The following SORCS3 variants were observed in gnomAD, a reference collection of about 807,000 sequenced individuals.
The protein encoded by SORCS3 is VPS10 domain-containing receptor SorCS3.
Under a neutral mutation model 146.3 loss-of-function variants are expected in SORCS3, and 57 were observed. That is an observed-to-expected ratio of 0.39 (90% CI 0.31 to 0.49). SORCS3 has a LOEUF of 0.49. Among genes scored for constraint, SORCS3 ranks in the 20% least tolerant of loss-of-function variants. The pLI, the probability that SORCS3 is intolerant of heterozygous loss-of-function variation, is 0.92. For missense variants in SORCS3, 1,341 were observed against 1,575.5 expected (o/e 0.85, Z 2.52); for synonymous variants, 653 against 618.5 (o/e 1.06, Z -0.83).
intron 7 of SORCS3, among the ~76,000 whole-genome samples, chr10:105,119,715 A>G (rs925828886): frequency 2.6e-5 from 4 of 152,142 alleles, no homozygotes; most frequent in Admixed American, 6.5e-5. Context: ...TGGATTTCGG[A>G]CTTGCATGGG....
At chr10:105,242,860 T>C (rs1328587046) in intron 20 of SORCS3, among the ~76,000 whole-genome samples, 2 of 105,598 alleles carry the variant, frequency 1.9e-5, no homozygotes, top group African/African-American at 7.8e-5. Flanking sequence ...ATAAATTATA[T>C]ATATATTTTT....
chr10:105,252,786 C>T lies in SORCS3; in HGVS notation c.3117C>T (p.Val1039=). ...IKRALVKVTS[V]PEDQILIAVF... ...GAACATCTTTGCAGGTAACCAGTGTCCCAGAGGACCAGATCCTCATTGCCG... is the reference window on the plus strand; with the variant it reads ...GAACATCTTTGCAGGTAACCAGTGTTCCAGAGGACCAGATCCTCATTGCCG... The change falls in exon 23 of 27, where the codon GTC becomes GTT. Residue 1039 remains valine, a synonymous_variant. Transcript: ENST00000369701. 1 of 1,613,950 alleles carries T rather than the reference C, an allele frequency of 6.2e-7. No individual in the cohort carries two copies. Among genetic ancestry groups the T allele is most frequent in the East Asian group, 2.2e-5 (1 of 44,874 alleles).
chr10:104,821,729 C>G (rs1163390148), intron 1 of SORCS3, among the ~76,000 whole-genome samples: 2 of 152,212 alleles, frequency 1.3e-5, no homozygotes, highest in African/African-American at 4.8e-5. Context: ...CGAGGAGCCT[C>G]TGTACCATGG....
chr10:104,734,941 T>A (rs1348049484), intron 1 of SORCS3, among the ~76,000 whole-genome samples: 1 of 152,222 alleles, frequency 6.6e-6, no homozygotes, highest in Non-Finnish European at 1.5e-5. Flanking sequence ...TGTTATTAAC[T>A]TATTACTAAT....
chr10:104,883,988 A>T (rs191658634), intron 2 of SORCS3, among the ~76,000 whole-genome samples: 2 of 151,198 alleles, frequency 1.3e-5, no homozygotes, highest in South Asian at 2.1e-4. Context: ...GGGGGGGGAA[A>T]GGGTCCTACC....
rs79119005 is a variant in SORCS3, at chr10:105,079,293, T to A, written c.1029-10482T>A. On this transcript the variant is annotated intron_variant, in intron 5 of 26. Coordinates refer to ENST00000369701, the MANE Select transcript of SORCS3 (RefSeq NM_014978.3). Reference sequence around the variant, plus strand: ...TGGAAGTAGGGCCTATGCATTTGTATTTAATATTTTTGGAAAGTTCCTCAA... The same window carrying A: ...TGGAAGTAGGGCCTATGCATTTGTAATTAATATTTTTGGAAAGTTCCTCAA... 1.7e-3 allele frequency among the ~76,000 whole-genome samples: 253 copies of A among 152,282 alleles called. 6 individuals are homozygous for A. In the East Asian group the frequency reaches 0.04, roughly 24 times the overall value.
At chr10:105,082,859 T>C (rs1409836789) in intron 5 of SORCS3, among the ~76,000 whole-genome samples, 4 of 152,132 alleles carry the variant, frequency 2.6e-5, no homozygotes, top group Non-Finnish European at 5.9e-5. Flanking sequence ...GCCTCCTGAG[T>C]AGCTGGGATT....
chr10:104,718,566 T>C (rs2016507041), intron 1 of SORCS3, among the ~76,000 whole-genome samples: 1 of 152,182 alleles, frequency 6.6e-6, no homozygotes, highest in Non-Finnish European at 1.5e-5. Context: ...GAAGTACAAT[T>C]AGAGTCTGAG....
intron 1 of SORCS3, among the ~76,000 whole-genome samples, chr10:104,675,453 C>T (rs2015902383): frequency 6.6e-6 from 1 of 152,044 alleles, no homozygotes; most frequent in Non-Finnish European, 1.5e-5. Context: ...AAATCTTTGT[C>T]TATTCCAAGG....
chr10:105,167,123 C>G (rs543868202), intron 12 of SORCS3, 135 bp from the exon 13 acceptor site: 1 of 645,410 alleles, frequency 1.5e-6, no homozygotes, highest in African/African-American at 1.8e-5. Flanking sequence ...ATAATACTTG[C>G]AAAAACTATC....
chr10:104,677,951 T>G (rs1031685570), intron 1 of SORCS3, among the ~76,000 whole-genome samples: 2 of 152,144 alleles, frequency 1.3e-5, no homozygotes, highest in African/African-American at 4.8e-5. Flanking sequence ...TTTTGCAGTG[T>G]TTTAAAGTAT....
intron 1 of SORCS3, among the ~76,000 whole-genome samples, chr10:104,651,533 T>TAAAAAA (rs34352025): frequency 2.7e-5 from 3 of 112,664 alleles, no homozygotes; most frequent in Non-Finnish European, 3.5e-5. Flanking sequence ...CGGGCTCTAC[T>TAAAAAA]AAAAAAAAAA....
chr10:105,099,258 C>T (rs561983435), intron 6 of SORCS3, among the ~76,000 whole-genome samples: 253 of 152,232 alleles, frequency 1.7e-3, no homozygotes, highest in Non-Finnish European at 3.0e-3. Flanking sequence ...ATAAACAGCT[C>T]ACGGGTATTT....
intron 4 of SORCS3, among the ~76,000 whole-genome samples, chr10:104,990,229 A>G (rs2054985409): frequency 6.6e-6 from 1 of 152,232 alleles, no homozygotes; most frequent in Admixed American, 6.5e-5. Context: ...ACTCTGAGAC[A>G]TATGTCTTAT....
intron 1 of SORCS3, among the ~76,000 whole-genome samples, chr10:104,839,226 G>A (rs1318454761): frequency 1.3e-5 from 2 of 152,142 alleles, no homozygotes; most frequent in African/African-American, 4.8e-5. Flanking sequence ...CTCATGTAAC[G>A]TTCAGAAACT....
At chr10:105,084,114 G>A (rs1276432058) in intron 5 of SORCS3, among the ~76,000 whole-genome samples, 1 of 152,156 alleles carries the variant, frequency 6.6e-6, no homozygotes, top group Admixed American at 6.5e-5. Context: ...TAGAGTTGAT[G>A]AGAGGATTAA....
At chr10:104,959,424 C>G (rs1321638150) in intron 3 of SORCS3, among the ~76,000 whole-genome samples, 1 of 152,068 alleles carries the variant, frequency 6.6e-6, no homozygotes, top group Non-Finnish European at 1.5e-5. Flanking sequence ...CTCATTACAT[C>G]ACATGAGGAC....
At chr10:104,921,434 CT>C (rs1198567086) in intron 3 of SORCS3, among the ~76,000 whole-genome samples, 1 of 152,060 alleles carries the variant, frequency 6.6e-6, no homozygotes, top group African/African-American at 2.4e-5. Context: ...AGAGCACACA[CT>C]GGTCTAACAG....
At chr10:105,261,973 G>T (rs576560966) in intron 25 of SORCS3, among the ~76,000 whole-genome samples, 2 of 152,158 alleles carry the variant, frequency 1.3e-5, no homozygotes, top group African/African-American at 4.8e-5. Context: ...TTTTCACTCT[G>T]TACACACTTA....
Sources: allele counts gnomAD v4.1 joint callset (sites outside exome capture counted in the v4.1 genomes callset), GRCh38; gene constraint gnomAD v4.1.1; transcripts MANE v1.5; gene names NCBI Gene and HGNC (gene_info 2026-07-23, HGNC 2026-07-21).